EPRS1: variants seen among roughly 807,000 people sequenced by gnomAD.
EPRS1 encodes bifunctional glutamate/proline--tRNA ligase.
In EPRS1, 107 loss-of-function variants were observed where a neutral mutation model predicts 188.3. The observed-to-expected ratio is 0.57, with a 90% CI of 0.49 to 0.67. The LOEUF is 0.67. Among genes scored for constraint, EPRS1 ranks in the 30% least tolerant of loss-of-function variants. The pLI, the probability that EPRS1 is intolerant of heterozygous loss-of-function variation, is 0.00. For missense variants in EPRS1, 1,577 were observed against 1,802.2 expected, an observed-to-expected ratio of 0.88 and a Z score of 2.26; for synonymous variants, 596 against 593.1, an observed-to-expected ratio of 1.00 and a Z score of -0.07.
At chr1:220,002,039 A>G (rs1172059199) in intron 16 of EPRS1, among the ~76,000 whole-genome samples, 1 of 150,472 alleles carries the variant, frequency 6.6e-6, no homozygotes, top group Admixed American at 6.6e-5. Flanking sequence ...CAAAGAAAAA[A>G]AAAAAATTGG....
chr1:220,045,482 C>T (rs779628890), intron 1 of EPRS1, among the ~76,000 whole-genome samples: 25 of 151,404 alleles, frequency 1.7e-4, no homozygotes, highest in Non-Finnish European at 3.1e-4. Flanking sequence ...CCAGCCTGGA[C>T]GATAGAGCAA....
At chr1:220,020,309 G>T in intron 9 of EPRS1, 88 bp from the exon 10 acceptor site, 1 of 824,450 alleles carries the variant, frequency 1.2e-6, no homozygotes, top group Non-Finnish European at 1.9e-6. Flanking sequence ...AATTTAAAAT[G>T]TAATTCTTTA....
intron 9 of EPRS1, among the ~76,000 whole-genome samples, chr1:220,021,744 A>G (rs573445179): frequency 6.6e-6 from 1 of 152,248 alleles, no homozygotes; most frequent in Non-Finnish European, 1.5e-5. Flanking sequence ...CACATCAGCT[A>G]ACCAAGTAAT....
At chr1:219,980,301 T>TA in intron 25 of EPRS1, 61 bp from the exon 26 acceptor site, 3 of 1,301,372 alleles carry the variant, frequency 2.3e-6, no homozygotes, top group Non-Finnish European at 3.3e-6. Context: ...TTAAGATCTA[T>TA]AAAACTGCAC....
At position 220,019,058 on chromosome 1, in the gene EPRS1, C is replaced by T. The variant is rs150313206; in HGVS notation, c.1371G>A (p.Thr457=). The change falls in exon 11 of 32, where the codon ACG becomes ACA. Residue 457 remains threonine, a synonymous_variant. Coordinates refer to ENST00000366923, the MANE Select transcript of EPRS1 (RefSeq NM_004446.3). The part of the protein sequence containing the change: ...VDGWDDPRFP[T]VRGVLRRGMT... ...TCCCTCTTCTCAGTACACCACGAACCGTAGGAAATCTTGGGTCATCCCTGG... is the reference window on the plus strand; with the variant it reads ...TCCCTCTTCTCAGTACACCACGAACTGTAGGAAATCTTGGGTCATCCCTGG... The T allele has an allele frequency of 3.2e-5, 51 of 1,612,752 alleles. No homozygotes were observed. The highest frequency in any genetic ancestry group is 3.9e-5 in the Non-Finnish European group (46 of 1,178,974).
At chr1:219,985,512 C>G (rs1280617220) in intron 20 of EPRS1, among the ~76,000 whole-genome samples, 1 of 152,078 alleles carries the variant, frequency 6.6e-6, no homozygotes, top group Non-Finnish European at 1.5e-5. Context: ...CGTGCCTCAG[C>G]CCCCCTCCCC....
intron 4 of EPRS1, among the ~76,000 whole-genome samples, chr1:220,032,907 T>C (rs1301963362): frequency 2.6e-5 from 4 of 152,148 alleles, no homozygotes; most frequent in African/African-American, 9.7e-5. Context: ...TACACACACA[T>C]ATATATGTCA....
Position 220,034,975 on chromosome 1 carries a change from T to C in EPRS1, c.170A>G (p.Tyr57Cys). 6.3e-7 allele frequency: 1 copy of C among 1,599,874 alleles called. No homozygotes were observed. The highest frequency in any genetic ancestry group is 8.5e-7 in the Non-Finnish European group (1 of 1,172,340). ...AGCTGTAGTTGCAACTCTAGCCAAG[T>C]AGCGAAGTATAGAATTCACATCTGT... ...IFTDVNSILR[Y>C]LARVATTAGL... The change falls in exon 3 of 32, where the codon TAC (tyrosine) becomes TGC (cysteine). Residue 57 changes from tyrosine (Y) to cysteine (C), a missense_variant. Physicochemically the swap from Tyr to Cys is radical, Grantham distance 194. Coordinates refer to ENST00000366923, the MANE Select transcript of EPRS1 (RefSeq NM_004446.3).
intron 17 of EPRS1, 111 bp downstream of exon 17, chr1:220,001,027 T>C: frequency 1.4e-6 from 1 of 717,716 alleles, no homozygotes; most frequent in East Asian, 2.5e-5. Context: ...GACTTAACTG[T>C]CTTCTTCAGT....
At chr1:220,030,809 A>G (rs1252778928) in intron 5 of EPRS1, among the ~76,000 whole-genome samples, 1 of 152,134 alleles carries the variant, frequency 6.6e-6, no homozygotes, top group East Asian at 1.9e-4. Context: ...AGTATATGGG[A>G]TGCTAGGCAC....
intron 2 of EPRS1, among the ~76,000 whole-genome samples, chr1:220,037,086 C>T (rs561733675): frequency 1.3e-5 from 2 of 151,002 alleles, no homozygotes; most frequent in East Asian, 3.9e-4. Context: ...CCCAGCTACT[C>T]AGGGGGCTGA....
chr1:219,973,643 G>A (rs1660715081), intron 28 of EPRS1, among the ~76,000 whole-genome samples: 3 of 151,680 alleles, frequency 2.0e-5, no homozygotes, highest in South Asian at 2.1e-4. Flanking sequence ...TGGAGAAACA[G>A]AGTAGTTTCT....
intron 16 of EPRS1, among the ~76,000 whole-genome samples, chr1:220,002,390 G>A (rs1288247725): frequency 6.6e-6 from 1 of 151,520 alleles, no homozygotes; most frequent in African/African-American, 2.4e-5. Flanking sequence ...TCCAATCTAT[G>A]AACTTTCGTC....
In EPRS1 at chr1:219,968,778, A is replaced by G. The variant is rs920677012; in HGVS notation, c.*28T>C. On this transcript the variant is annotated 3_prime_UTR_variant, in exon 32 of 32. Transcript: ENST00000366923. ...TATCAATGCTTTAAAAAGTGAGAGG[A>G]GTTGAAGAGGGGGCTTTCGTTCATC... 14 of 1,609,258 alleles carry G rather than the reference A, an allele frequency of 8.7e-6. No homozygotes were observed. The highest frequency in any genetic ancestry group is 1.2e-5 in the Non-Finnish European group (14 of 1,175,814).
intron 13 of EPRS1, among the ~76,000 whole-genome samples, chr1:220,008,079 C>T (rs1661527849): frequency 6.7e-6 from 1 of 148,822 alleles, no homozygotes; most frequent in African/African-American, 2.5e-5. Context: ...GGCACTCCAG[C>T]CTGGGCAACA....
At chr1:219,989,586 G>A (rs1661080477) in intron 18 of EPRS1, among the ~76,000 whole-genome samples, 1 of 152,076 alleles carries the variant, frequency 6.6e-6, no homozygotes, top group African/African-American at 2.4e-5. Flanking sequence ...TGCTACATTC[G>A]AATAATGCTC....
chr1:219,985,257 T>A (rs1308225074), intron 20 of EPRS1, among the ~76,000 whole-genome samples: 1 of 152,038 alleles, frequency 6.6e-6, no homozygotes, highest in Non-Finnish European at 1.5e-5. Context: ...AAAAGAAGAA[T>A]CTTATGCCAG....
chr1:219,979,569 T>G lies in EPRS1; in HGVS notation c.3758A>C (p.Glu1253Ala), dbSNP rs1159903856. ...TATCTTTGGATCTTCAAAAACGATT[T>G]CAAACATTTTGGAAAAATTCTGCCC... ...HLGQNFSKMF[E>A]IVFEDPKIPG... Residue 1253 changes from glutamate (E) to alanine (A), a missense_variant, in exon 27 of 32, where the codon GAA (glutamate) becomes GCA (alanine). Physicochemically the swap from Glu to Ala is moderately radical, Grantham distance 107. Around this residue, in one of 3 missense-constraint regions of EPRS1, gnomAD observed 296 missense variants for 327.9 expected, o/e 0.90. Transcript: ENST00000366923. 3 of 1,613,920 alleles carry G rather than the reference T, an allele frequency of 1.9e-6. No individual in the cohort carries two copies. Among genetic ancestry groups the G allele is most frequent in the South Asian group, 1.1e-5 (1 of 91,082 alleles).
intron 9 of EPRS1, among the ~76,000 whole-genome samples, chr1:220,020,519 T>C (rs954000251): frequency 6.6e-6 from 1 of 152,030 alleles, no homozygotes; most frequent in Non-Finnish European, 1.5e-5. Context: ...GGCCAATGTA[T>C]AACATAGTAG....
Sources: allele counts gnomAD v4.1 joint callset (sites outside exome capture counted in the v4.1 genomes callset), GRCh38; gene constraint gnomAD v4.1.1; regional missense constraint gnomAD v4.1.1; transcripts MANE v1.5; gene names NCBI Gene and HGNC (gene_info 2026-07-23, HGNC 2026-07-21).